Variants in SATB2 observed in about 807,000 individuals in gnomAD.
SATB2 encodes the protein DNA-binding protein SATB2.
In SATB2, 1 loss-of-function variant was observed where a neutral mutation model predicts 73.4. The ratio of observed to expected loss-of-function variants is 0.01; its 90% confidence interval spans 0.00 to 0.06. The LOEUF (loss-of-function observed/expected upper bound fraction) is 0.06, where lower values mean the gene tolerates loss of function less well. SATB2 is among the 10% of genes least tolerant of loss of function. The probability of loss-of-function intolerance (pLI) is 1.00; values close to 1 mark genes in which losing one functional copy is unlikely to be tolerated. For synonymous variants in SATB2, 397 were observed against 367.0 expected, an observed-to-expected ratio of 1.08 and a Z score of -0.93; for missense variants, 459 against 945.8, an observed-to-expected ratio of 0.49 and a Z score of 6.75.
rs779055301 is a variant in SATB2 at position 199,272,180 on chromosome 2, G to A, written c.*31C>T. 2.1e-5 allele frequency: 33 copies of A among 1,576,636 alleles called. No individual in the cohort carries two copies. Among genetic ancestry groups the A allele is most frequent in the South Asian group, 1.8e-4 (16 of 90,344 alleles). The stretch of plus-strand genomic sequence containing the variant: ...AATGAAAGCAGAAAATCCTTGGACC[G>A]ATGTATTGCTTTGCCTAGTAGAAGT... On this transcript the variant is annotated 3_prime_UTR_variant, in exon 11 of 11. Coordinates refer to ENST00000417098, the MANE Select transcript of SATB2 (RefSeq NM_001172509.2). The surrounding 1 kb of genome is among the most constrained non-coding windows in gnomAD (Gnocchi z 6.7).
At chr2:199,469,238 G>A (rs1054412757), upstream of SATB2, among the ~76,000 whole-genome samples, 2 of 152,180 alleles carry the variant, frequency 1.3e-5, no homozygotes, top group African/African-American at 4.8e-5. Context: ...CCGCCTGGCC[G>A]TCGTCACCGA....
At chr2:199,426,692 C>CAAAA (rs200293007) in intron 3 of SATB2, among the ~76,000 whole-genome samples, 3 of 128,246 alleles carry the variant, frequency 2.3e-5, no homozygotes, top group African/African-American at 6.6e-5. Context: ...CATTCTCTCT[C>CAAAA]AAAAAAAAAA....
chr2:199,412,750 CA>C (rs2105904947), intron 3 of SATB2, among the ~76,000 whole-genome samples: 1 of 151,166 alleles, frequency 6.6e-6, no homozygotes, highest in East Asian at 2.0e-4. Flanking sequence ...AAAAAACAAA[CA>C]AACAAAAAAA....
intron 3 of SATB2, among the ~76,000 whole-genome samples, chr2:199,392,396 G>A (rs1319490851): frequency 6.6e-6 from 1 of 151,292 alleles, no homozygotes; most frequent in African/African-American, 2.4e-5. Context: ...CTTGGCATAG[G>A]CTGAATAGAC....
At chr2:199,389,176 A>G (rs1690049641) in intron 3 of SATB2, among the ~76,000 whole-genome samples, 3 of 152,152 alleles carry the variant, frequency 2.0e-5, no homozygotes, top group African/African-American at 2.4e-5. Flanking sequence ...TGACTTTTCA[A>G]TGAGGAAAAA....
intron 10 of SATB2, among the ~76,000 whole-genome samples, chr2:199,294,455 A>C (rs767862501): frequency 6.6e-6 from 1 of 152,214 alleles, no homozygotes; most frequent in Non-Finnish European, 1.5e-5. Flanking sequence ...ATACAACCAA[A>C]GAATCAGTTA....
chr2:199,415,044 T>C (rs796589199), intron 3 of SATB2, among the ~76,000 whole-genome samples: 42 of 152,282 alleles, frequency 2.8e-4, no homozygotes, highest in African/African-American at 9.4e-4. Flanking sequence ...GAAAAGTTTA[T>C]AGAATGAGTG....
chr2:199,454,273 A>C (rs1250834541), intron 2 of SATB2, among the ~76,000 whole-genome samples: 1 of 152,158 alleles, frequency 6.6e-6, no homozygotes, highest in Non-Finnish European at 1.5e-5. Context: ...AGATCTTCAG[A>C]AAGATACCAA....
At chr2:199,444,673 GA>G (rs1691912696) in intron 2 of SATB2, among the ~76,000 whole-genome samples, 1 of 152,084 alleles carries the variant, frequency 6.6e-6, no homozygotes, top group Admixed American at 6.6e-5. Flanking sequence ...ATTGAAGGAG[GA>G]AAGAATTTCA....
intron 7 of SATB2, among the ~76,000 whole-genome samples, chr2:199,338,351 G>C (rs1688397988): frequency 6.7e-6 from 1 of 150,246 alleles, no homozygotes; most frequent in Non-Finnish European, 1.5e-5. Context: ...CTGGGCGACA[G>C]AGCAAGACTT....
At position 199,308,987 on chromosome 2, in the gene SATB2, C is replaced by A. The variant is rs374396384; in HGVS notation, c.1543-30G>T. 43 of 1,588,982 alleles carry A rather than the reference C, an allele frequency of 2.7e-5. No individual in the cohort carries two copies. The highest frequency in any genetic ancestry group is 3.1e-5 in the Non-Finnish European group (36 of 1,158,252). ...AGAGAGAGGAGGTCGCTTGCATTAA[C>A]CTGCAGAGTGTAGAGGAGCTGAGGG... On this transcript the variant is annotated intron_variant, in intron 9 of 10. Transcript: ENST00000417098. This position sits in a 1 kb window ranked among gnomAD's most constrained non-coding sequence, Gnocchi z 4.6.
At chr2:199,335,429 T>C (rs1331509997) in intron 7 of SATB2, among the ~76,000 whole-genome samples, 1 of 152,192 alleles carries the variant, frequency 6.6e-6, no homozygotes, top group African/African-American at 2.4e-5. Flanking sequence ...TACACTGCAA[T>C]TGGAAATACT....
chr2:199,278,780 G>A (rs1692394034), intron 10 of SATB2, among the ~76,000 whole-genome samples: 1 of 152,160 alleles, frequency 6.6e-6, no homozygotes, highest in Admixed American at 6.5e-5. Context: ...GTATGCACTG[G>A]CACTTCTACC....
At chr2:199,295,365 A>G (rs1692998935) in intron 10 of SATB2, among the ~76,000 whole-genome samples, 1 of 152,124 alleles carries the variant, frequency 6.6e-6, no homozygotes, top group Non-Finnish European at 1.5e-5. Flanking sequence ...TAAAAAAGTT[A>G]ACTGGAGTCT....
chr2:199,466,553 T>C (rs945388114), upstream of SATB2, among the ~76,000 whole-genome samples: 13 of 152,238 alleles, frequency 8.5e-5, no homozygotes, highest in South Asian at 1.0e-3. Context: ...GATGGAAGGA[T>C]TGGCAAGGAA....
intron 2 of SATB2, among the ~76,000 whole-genome samples, chr2:199,444,065 A>AG (rs1194747479): frequency 2.6e-5 from 4 of 152,204 alleles, no homozygotes; most frequent in Middle Eastern, 3.2e-3. Flanking sequence ...GAAATTAATC[A>AG]GAAAAACAGA....
intron 3 of SATB2, among the ~76,000 whole-genome samples, chr2:199,386,490 T>C (rs1226270338): frequency 1.3e-5 from 2 of 152,110 alleles, no homozygotes; most frequent in Admixed American, 6.5e-5. Flanking sequence ...TCCAGTGTAG[T>C]GAACAAGGAC....
intron 3 of SATB2, among the ~76,000 whole-genome samples, chr2:199,408,950 T>C (rs546550891): frequency 6.6e-6 from 1 of 152,204 alleles, no homozygotes; most frequent in South Asian, 2.1e-4. Context: ...GGAAAAGATA[T>C]ATTAATTATG....
At chr2:199,439,930 C>A (rs960728926) in intron 2 of SATB2, among the ~76,000 whole-genome samples, 2 of 151,938 alleles carry the variant, frequency 1.3e-5, no homozygotes, top group African/African-American at 4.8e-5. Flanking sequence ...ATGGTGAGAC[C>A]CCCGTATCTA....
Sources: gnomAD v4.1 joint callset for allele counts (sites outside exome capture counted in the v4.1 genomes callset) on GRCh38, gnomAD v4.1.1 for gene constraint, Gnocchi (gnomAD v3.1) non-coding constraint, MANE v1.5 for transcripts, NCBI Gene and HGNC (gene_info 2026-07-23, HGNC 2026-07-21) for gene names.